The following PLPPR1 variants were observed in gnomAD, a reference collection of about 807,000 sequenced individuals.
PLPPR1 encodes the protein phospholipid phosphatase-related protein type 1.
PLPPR1 carries 10 observed loss-of-function variants against 33.1 expected under a neutral mutation model. The observed-to-expected ratio is 0.30, with a 90% confidence interval of 0.19 to 0.51. PLPPR1 has a LOEUF of 0.51. PLPPR1 is among the 20% of genes least tolerant of loss of function. The pLI is 0.97. For synonymous variants in PLPPR1, 151 were observed against 151.0 expected (o/e 1.00, Z 0.00); for missense variants, 304 against 408.1 (o/e 0.74, Z 2.20).
At chr9:101,237,640 T>TAC (rs1401242491) in intron 2 of PLPPR1, among the ~76,000 whole-genome samples, 15 of 130,130 alleles carry the variant, frequency 1.2e-4, no homozygotes, top group Middle Eastern at 4.1e-3. Flanking sequence ...CATATATATA[T>TAC]ATACACACAC....
intron 1 of PLPPR1, among the ~76,000 whole-genome samples, chr9:101,112,741 G>A (rs918589489): frequency 1.3e-5 from 2 of 152,222 alleles, no homozygotes; most frequent in Non-Finnish European, 2.9e-5. Flanking sequence ...TATAGGAAGT[G>A]GTGCTGGCAG....
At chr9:101,172,353 G>GGA (rs1825954845) in intron 1 of PLPPR1, among the ~76,000 whole-genome samples, 1 of 148,292 alleles carries the variant, frequency 6.7e-6, no homozygotes, top group Non-Finnish European at 1.5e-5. Context: ...CACTAAAGGG[G>GGA]AAAAAAAAAA....
intron 6 of PLPPR1, among the ~76,000 whole-genome samples, chr9:101,316,358 A>G (rs183802311): frequency 1.3e-5 from 2 of 151,522 alleles, no homozygotes. Context: ...AATGGCATGA[A>G]CCCGGGAGGC....
intron 2 of PLPPR1, among the ~76,000 whole-genome samples, chr9:101,262,975 A>C (rs982422634): frequency 6.6e-6 from 1 of 152,144 alleles, no homozygotes; most frequent in Admixed American, 6.5e-5. Context: ...GGACACAGGG[A>C]GTGGAACATC....
intron 1 of PLPPR1, among the ~76,000 whole-genome samples, chr9:101,043,279 A>ATG (rs1053168812): frequency 8.7e-4 from 131 of 151,148 alleles, no homozygotes; most frequent in African/African-American, 2.6e-3. Flanking sequence ...TCATATATAT[A>ATG]TGTGTGTGTG....
At chr9:101,305,564 C>G (rs1544194) in intron 4 of PLPPR1, among the ~76,000 whole-genome samples, 18,610 of 152,164 alleles carry the variant, frequency 0.12, 1,328 homozygotes, top group South Asian at 0.18. Flanking sequence ...CTCACCCCAC[C>G]AACCTCTGCT....
intron 1 of PLPPR1, among the ~76,000 whole-genome samples, chr9:101,054,217 A>C (rs1311359143): frequency 2.0e-5 from 3 of 152,060 alleles, no homozygotes; most frequent in Non-Finnish European, 2.9e-5. Flanking sequence ...AACACACAAA[A>C]AAATCCTTTT....
intron 3 of PLPPR1, among the ~76,000 whole-genome samples, chr9:101,279,869 TCAAA>T (rs1409680910): frequency 6.6e-6 from 1 of 151,630 alleles, no homozygotes. Context: ...TAGAAAAACA[TCAAA>T]CAAACAACAT....
At chr9:101,315,366 GAC>G (rs1370525841) in intron 6 of PLPPR1, among the ~76,000 whole-genome samples, 1 of 152,154 alleles carries the variant, frequency 6.6e-6, no homozygotes, top group Non-Finnish European at 1.5e-5. Flanking sequence ...CTCAAGAAAA[GAC>G]AAACAATGTT....
intron 1 of PLPPR1, chr9:101,185,222 T>A (rs975643723): frequency 2.6e-6 from 1 of 380,716 alleles, no homozygotes; most frequent in Non-Finnish European, 4.6e-6. Flanking sequence ...AAGCGGCTCC[T>A]GACCTGGTCA....
chr9:101,114,960 C>T (rs1212768880), intron 1 of PLPPR1, among the ~76,000 whole-genome samples: 1 of 152,082 alleles, frequency 6.6e-6, no homozygotes, highest in African/African-American at 2.4e-5. Context: ...GGAGAGGTCT[C>T]CTTTTTATTT....
intron 3 of PLPPR1, among the ~76,000 whole-genome samples, chr9:101,272,016 A>G (rs1207686012): frequency 6.6e-6 from 1 of 150,986 alleles, no homozygotes; most frequent in Admixed American, 6.7e-5. Context: ...AAAGTCAGAC[A>G]TACAAATACA....
At chr9:101,089,525 A>G (rs1272234149) in intron 1 of PLPPR1, among the ~76,000 whole-genome samples, 1 of 152,200 alleles carries the variant, frequency 6.6e-6, no homozygotes, top group Non-Finnish European at 1.5e-5. Flanking sequence ...ATACACGTGA[A>G]GTACAAAGTT....
At chr9:101,217,779 T>A (rs1057276641) in intron 2 of PLPPR1, among the ~76,000 whole-genome samples, 1 of 152,196 alleles carries the variant, frequency 6.6e-6, no homozygotes, top group African/African-American at 2.4e-5. Flanking sequence ...ATTAATGAAT[T>A]GTCCAACCTC....
At chr9:101,151,831 C>T (rs890404585) in intron 1 of PLPPR1, among the ~76,000 whole-genome samples, 2 of 152,164 alleles carry the variant, frequency 1.3e-5, no homozygotes, top group Admixed American at 6.6e-5. Context: ...CAGAAGCAAT[C>T]GGTTTGCCAC....
chr9:101,196,196 T>C (rs1826389806), intron 2 of PLPPR1, among the ~76,000 whole-genome samples: 1 of 152,066 alleles, frequency 6.6e-6, no homozygotes, highest in South Asian at 2.1e-4. Flanking sequence ...AAGCATAATT[T>C]CTAAGCTAAT....
chr9:101,139,025 T>C (rs1246041988), intron 1 of PLPPR1, among the ~76,000 whole-genome samples: 4 of 152,204 alleles, frequency 2.6e-5, no homozygotes, highest in African/African-American at 9.7e-5. Context: ...TATAACTATT[T>C]ACTTAATGCT....
At chr9:101,158,957 T>C (rs1488697612) in intron 1 of PLPPR1, among the ~76,000 whole-genome samples, 1 of 152,206 alleles carries the variant, frequency 6.6e-6, no homozygotes. Context: ...GGACTCTCCA[T>C]TAACCTTTCA....
intron 1 of PLPPR1, among the ~76,000 whole-genome samples, chr9:101,066,685 T>C (rs77085062): frequency 0.015 from 2,250 of 152,164 alleles, 66 homozygotes; most frequent in African/African-American, 0.052. Context: ...TCCTTTGACA[T>C]ATCCCCATCA....
Sources: allele counts gnomAD v4.1 joint callset (sites outside exome capture counted in the v4.1 genomes callset), GRCh38; gene constraint gnomAD v4.1.1; transcripts MANE v1.5; gene names NCBI Gene and HGNC (gene_info 2026-07-23, HGNC 2026-07-21).